Variants in LRRC37A observed in about 807,000 individuals in gnomAD.
LRRC37A encodes leucine-rich repeat-containing protein 37A.
Under a neutral mutation model 35.4 loss-of-function variants are expected in LRRC37A, and 3 were observed. The ratio of observed to expected loss-of-function variants is 0.08; its 90% CI spans 0.04 to 0.22. The LOEUF (loss-of-function observed/expected upper bound fraction) is 0.22. Ranked by LOEUF, LRRC37A falls within the 10% of genes least tolerant of loss-of-function variation. The probability of loss-of-function intolerance (pLI) is 1.00; values close to 1 mark genes in which losing one functional copy is unlikely to be tolerated. For synonymous variants in LRRC37A, 23 were observed against 215.0 expected, an observed-to-expected ratio of 0.11 and a Z score of 7.81; for missense variants, 67 against 565.3, an observed-to-expected ratio of 0.12 and a Z score of 8.94.
upstream of LRRC37A, among the ~76,000 whole-genome samples, chr17:46,291,832 G>A (rs371711539): frequency 3.3e-5 from 5 of 152,120 alleles, no homozygotes; most frequent in African/African-American, 7.2e-5. Context: ...GGCATGGCAC[G>A]CGCCTGTAGT....
At chr17:46,268,403 G>A in the LRRC37A span, 1 of 914,806 alleles carries the variant, frequency 1.1e-6, no homozygotes, top group African/African-American at 1.9e-5. Flanking sequence ...TGTGCAGCAA[G>A]ATAGTAGATT....
the LRRC37A span, among the ~76,000 whole-genome samples, chr17:46,270,041 A>AT: frequency 1.3e-5 from 2 of 152,228 alleles, no homozygotes; most frequent in East Asian, 3.8e-4. Context: ...ACATGAGAGT[A>AT]TTTTTTCAGA....
upstream of LRRC37A, among the ~76,000 whole-genome samples, chr17:46,290,399 T>C (rs558672114): frequency 6.6e-6 from 1 of 152,286 alleles, no homozygotes; most frequent in African/African-American, 2.4e-5. Context: ...ATGCTGGGAT[T>C]ACAGGCTGTG....
At chr17:46,263,405 G>C in the LRRC37A span, among the ~76,000 whole-genome samples, 1 of 151,810 alleles carries the variant, frequency 6.6e-6, no homozygotes, top group African/African-American at 2.4e-5. Flanking sequence ...ACAAAAATTA[G>C]CCAGGCATGG....
upstream of LRRC37A, among the ~76,000 whole-genome samples, chr17:46,291,985 A>AAAAAAAAAAAAAAAAAAAAAAAAAAAC (rs1360524355): frequency 3.9e-5 from 3 of 76,664 alleles, no homozygotes; most frequent in Non-Finnish European, 5.5e-5. Context: ...AAAAAAAAAA[A>AAAAAAAAAAAAAAAAAAAAAAAAAAAC]AAGCCAATAA....
chr17:46,250,777 C>T, the LRRC37A span, among the ~76,000 whole-genome samples: 1 of 152,228 alleles, frequency 6.6e-6, no homozygotes, highest in African/African-American at 2.4e-5. Flanking sequence ...ACCTGTAATC[C>T]CAGTACTTTG....
At chr17:46,316,642 T>C (rs1384786614) in intron 5 of LRRC37A, among the ~76,000 whole-genome samples, 1 of 70,302 alleles carries the variant, frequency 1.4e-5, no homozygotes, top group Non-Finnish European at 4.1e-5. Context: ...TATTGATCAT[T>C]CTTGGGTGTT....
chr17:46,308,015 T>C (rs1371319005), intron 5 of LRRC37A, among the ~76,000 whole-genome samples: 1 of 72,962 alleles, frequency 1.4e-5, no homozygotes, highest in African/African-American at 3.5e-5. Flanking sequence ...CTGTCTCAAA[T>C]AATAATAATA....
chr17:46,272,397 A>C, the LRRC37A span, among the ~76,000 whole-genome samples: 1 of 152,328 alleles, frequency 6.6e-6, no homozygotes, highest in East Asian at 1.9e-4. Context: ...TATGTTCTAA[A>C]AAATGTATGT....
chr17:46,267,891 A>C, the LRRC37A span, among the ~76,000 whole-genome samples: 2 of 118,352 alleles, frequency 1.7e-5, no homozygotes, highest in African/African-American at 6.7e-5. Context: ...CCACTCCCAC[A>C]TCTTTTTTTT....
chr17:46,284,713 T>C, the LRRC37A span, among the ~76,000 whole-genome samples: 1 of 152,230 alleles, frequency 6.6e-6, no homozygotes, highest in Non-Finnish European at 1.5e-5. Flanking sequence ...AAGTGTGGAA[T>C]CATTACCACA....
chr17:46,262,530 G>A, the LRRC37A span, among the ~76,000 whole-genome samples: 2 of 152,338 alleles, frequency 1.3e-5, no homozygotes, highest in South Asian at 4.1e-4. Context: ...GGATTTAAAA[G>A]CTCAGGAATT....
the LRRC37A span, among the ~76,000 whole-genome samples, chr17:46,278,184 G>A: frequency 1.3e-5 from 2 of 151,988 alleles, no homozygotes; most frequent in East Asian, 3.9e-4. Flanking sequence ...GACCTCAGAT[G>A]ATCCACCCGC....
At chr17:46,257,488 A>G in the LRRC37A span, among the ~76,000 whole-genome samples, 1 of 148,966 alleles carries the variant, frequency 6.7e-6, no homozygotes, top group African/African-American at 2.5e-5. Flanking sequence ...CACTTTGAAC[A>G]AAAAAGAAAA....
the LRRC37A span, among the ~76,000 whole-genome samples, chr17:46,270,191 G>A: frequency 0.12 from 18,471 of 152,182 alleles, no homozygotes; most frequent in Non-Finnish European, 0.18. Context: ...TCACGGTGAT[G>A]CACTCAGGAA....
At chr17:46,261,296 C>G in the LRRC37A span, among the ~76,000 whole-genome samples, 2 of 152,230 alleles carry the variant, frequency 1.3e-5, no homozygotes, top group African/African-American at 4.8e-5. Context: ...CATAGGCTAT[C>G]AGTCTCCCAG....
chr17:46,255,699 G>A, the LRRC37A span, among the ~76,000 whole-genome samples: 32 of 140,994 alleles, frequency 2.3e-4, no homozygotes, highest in Non-Finnish European at 3.9e-4. Context: ...TTTTTGAGAC[G>A]GAGTCTCGCT....
the LRRC37A span, among the ~76,000 whole-genome samples, chr17:46,250,488 G>C: frequency 1.3e-5 from 2 of 152,222 alleles, no homozygotes; most frequent in Non-Finnish European, 2.9e-5. Flanking sequence ...CTAATCAGCT[G>C]CCAGCAAGGC....
intron 5 of LRRC37A, among the ~76,000 whole-genome samples, chr17:46,308,075 A>G (rs1252794272): frequency 1.4e-5 from 1 of 71,090 alleles, no homozygotes; most frequent in Non-Finnish European, 4.1e-5. Context: ...CACTACAATT[A>G]TGTAGGCAAC....
Sources: allele counts gnomAD v4.1 joint callset (sites outside exome capture counted in the v4.1 genomes callset), GRCh38; gene constraint gnomAD v4.1.1; transcripts MANE v1.5; gene names NCBI Gene and HGNC (gene_info 2026-07-23, HGNC 2026-07-21).